CCNC: variants seen among roughly 807,000 people sequenced by gnomAD.
CCNC encodes cyclin-C.
CCNC carries 19 observed loss-of-function variants against 50.0 expected under a neutral mutation model. That is an observed-to-expected ratio of 0.38 (90% CI 0.27 to 0.56). CCNC has a LOEUF of 0.56. Among genes scored for constraint, CCNC ranks in the 20% least tolerant of loss-of-function variants. The probability of loss-of-function intolerance (pLI) is 0.72; values close to 1 mark genes in which losing one functional copy is unlikely to be tolerated. For synonymous variants in CCNC, 93 were observed against 103.7 expected, an observed-to-expected ratio of 0.90 and a Z score of 0.63; for missense variants, 200 against 327.1, an observed-to-expected ratio of 0.61 and a Z score of 3.00.
rs1801924713 is a variant in CCNC at position 99,542,599 on chromosome 6, A to C, written c.*956T>G. 1 of 152,612 alleles carries C rather than the reference A, an allele frequency of 6.6e-6. No individual in the cohort carries two copies. Among genetic ancestry groups the C allele is most frequent in the Non-Finnish European group, 1.5e-5 (1 of 68,016 alleles). The allele number at this position is 152,612 out of a possible 1,614,324, so 9.5% of individuals were successfully genotyped here. On this transcript the variant is annotated 3_prime_UTR_variant, in exon 12 of 12. Coordinates refer to ENST00000520429, the MANE Select transcript of CCNC (RefSeq NM_005190.4). ...GACAGTACAGTCCCACTGACATAAC[A>C]TTTAGTATGATGTCCTACTCTCATA... is the stretch of plus-strand genomic sequence containing the variant.
At chr6:99,550,773 G>T in intron 7 of CCNC, 1 of 271,574 alleles carries the variant, frequency 3.7e-6, no homozygotes, top group Non-Finnish European at 7.1e-6. Flanking sequence ...ACTTACTATA[G>T]AACAGAAAAA....
chr6:99,546,211 C>G (rs1032728597), intron 10 of CCNC, among the ~76,000 whole-genome samples, 184 bp downstream of exon 10: 20 of 152,136 alleles, frequency 1.3e-4, no homozygotes, highest in African/African-American at 4.1e-4. Context: ...GGTGATCCGC[C>G]CACCTAGGCC....
chr6:99,556,835 C>T (rs1478211844), intron 5 of CCNC, among the ~76,000 whole-genome samples: 1 of 152,178 alleles, frequency 6.6e-6, no homozygotes, highest in Non-Finnish European at 1.5e-5. Flanking sequence ...GCAGGAGAAT[C>T]GCTTGAACCT....
At chr6:99,568,390 C>T in intron 1 of CCNC, 106 bp downstream of exon 1, 3 of 1,133,342 alleles carry the variant, frequency 2.6e-6, no homozygotes, top group African/African-American at 1.5e-5. Flanking sequence ...GTGAGGACCC[C>T]GGCACTCGGA....
chr6:99,558,501 A>T lies in CCNC; in HGVS notation c.342T>A (p.Ser114=). ...AGATATACTTTTTGCACTTACATACAGAAGTAGCAGCAGCAATCAATCTTG... is the reference window on the plus strand; with the variant it reads ...AGATATACTTTTTGCACTTACATACTGAAGTAGCAGCAGCAATCAATCTTG... The part of the protein sequence containing the change: ...SNTRLIAAAT[S]VLKTRFSYAF... The change falls in exon 5 of 12, where the codon TCT becomes TCA. Residue 114 remains serine, a synonymous_variant. Transcript: ENST00000520429. 1 of 1,611,420 alleles carries T rather than the reference A, an allele frequency of 6.2e-7. No individual in the cohort carries two copies. The highest frequency in any genetic ancestry group is 8.5e-7 in the Non-Finnish European group (1 of 1,178,874).
At position 99,559,613 on chromosome 6, in the gene CCNC, T is replaced by C. The variant is rs372826613; in HGVS notation, c.295-1065A>G. 9.6e-5 allele frequency among the ~76,000 whole-genome samples: 14 copies of C among 145,708 alleles called. No individual in the cohort carries two copies. The South Asian group carries it at 2.6e-3, about 27-fold the overall frequency. On this transcript the variant is annotated intron_variant, in intron 4 of 11. Transcript: ENST00000520429. ...AAATGAGCTTTCCATACAATTTCCA[T>C]AAAACTAGAGAAAATACAGAAAGAT...
At chr6:99,568,317 T>G in intron 1 of CCNC, 179 bp downstream of exon 1, 1 of 605,552 alleles carries the variant, frequency 1.7e-6, no homozygotes, top group Non-Finnish European at 2.9e-6. Context: ...AAACTGGGGC[T>G]GGGGGCGGGG....
intron 1 of CCNC, among the ~76,000 whole-genome samples, chr6:99,563,666 T>C (rs1768963366): frequency 6.6e-6 from 1 of 152,228 alleles, no homozygotes; most frequent in South Asian, 2.1e-4. Context: ...TTCACCCATA[T>C]TTTCTGATAC....
intron 9 of CCNC, among the ~76,000 whole-genome samples, chr6:99,547,327 A>G (rs1324142924): frequency 6.6e-6 from 1 of 152,208 alleles, no homozygotes; most frequent in Admixed American, 6.5e-5. Flanking sequence ...AATGACTGAC[A>G]TGATAAAAAC....
chr6:99,564,638 AATG>A (rs1769039908), intron 1 of CCNC, among the ~76,000 whole-genome samples: 1 of 152,032 alleles, frequency 6.6e-6, no homozygotes, highest in Non-Finnish European at 1.5e-5. Flanking sequence ...CGATTTTTTT[AATG>A]ATTAAGAGAT....
chr6:99,559,398 A>C (rs1802679255), intron 4 of CCNC, among the ~76,000 whole-genome samples: 1 of 150,956 alleles, frequency 6.6e-6, no homozygotes, highest in Non-Finnish European at 1.5e-5. Context: ...ACTTCATTTT[A>C]AAATAAAAAA....
chr6:99,551,855 A>C lies in CCNC; in HGVS notation c.387T>G (p.Pro129=). 6.9e-7 allele frequency: 1 copy of C among 1,438,884 alleles called. No homozygotes were observed. Among genetic ancestry groups the C allele is most frequent in the Non-Finnish European group, 9.3e-7 (1 of 1,069,558 alleles). 89.1% of individuals were successfully genotyped at this position (1,438,884 alleles called of 1,614,324 possible). ...RFSYAFPKEF[P]YRMNHILECE... is the part of the protein sequence containing the mutation. ...ATATACTTACATGATTCATCCTATA[A>C]GGAAATTCCTTTGGAAAGGCATATG... The change falls in exon 6 of 12, where the codon CCT becomes CCG. Residue 129 remains proline (P), a synonymous_variant. Coordinates refer to ENST00000520429, the MANE Select transcript of CCNC (RefSeq NM_005190.4).
intron 9 of CCNC, among the ~76,000 whole-genome samples, chr6:99,547,050 ATTAG>A (rs2114254546): frequency 7.1e-6 from 1 of 140,798 alleles, no homozygotes; most frequent in South Asian, 2.4e-4. Flanking sequence ...TGTATACAAT[ATTAG>A]TTATATATGT....
chr6:99,550,757 ATAGT>A (rs1309250367), intron 7 of CCNC: 8 of 258,258 alleles, frequency 3.1e-5, no homozygotes, highest in Non-Finnish European at 5.9e-5. Flanking sequence ...TCCTTTCATT[ATAGT>A]TACTTACTAT....
At chr6:99,547,185 G>T (rs1339001452) in intron 9 of CCNC, among the ~76,000 whole-genome samples, 1 of 152,092 alleles carries the variant, frequency 6.6e-6, no homozygotes, top group Non-Finnish European at 1.5e-5. Context: ...TCCGTGGTCT[G>T]GTTATCCATG....
chr6:99,558,411 T>G (rs1287103288), intron 5 of CCNC, 86 bp downstream of exon 5: 1 of 1,560,850 alleles, frequency 6.4e-7, no homozygotes, highest in East Asian at 2.3e-5. Context: ...CTCATATGTC[T>G]CATAAACTAA....
intron 9 of CCNC, among the ~76,000 whole-genome samples, chr6:99,547,841 G>A (rs930280125): frequency 1.3e-5 from 2 of 152,064 alleles, no homozygotes; most frequent in African/African-American, 4.8e-5. Context: ...AGACTGCTGT[G>A]GTAACATGGA....
intron 5 of CCNC, chr6:99,557,779 ACT>A (rs1248466511): frequency 8.0e-6 from 1 of 125,744 alleles, no homozygotes; most frequent in Non-Finnish European, 1.6e-5. Context: ...ACAGAGCGAG[ACT>A]CTGTCTCAAA....
chr6:99,558,326 C>A (rs1802627303), intron 5 of CCNC, 171 bp downstream of exon 5: 4 of 915,932 alleles, frequency 4.4e-6, no homozygotes, highest in Admixed American at 3.8e-5. Context: ...TAAAAAAAAA[C>A]CTTTTAGCTT....
Sources: gnomAD v4.1 joint callset for allele counts (sites outside exome capture counted in the v4.1 genomes callset) on GRCh38, gnomAD v4.1.1 for gene constraint, MANE v1.5 for transcripts, NCBI Gene and HGNC (gene_info 2026-07-23, HGNC 2026-07-21) for gene names.